Variants in PCDHGA8 observed in about 807,000 individuals in gnomAD.
PCDHGA8 encodes protocadherin gamma subfamily A, 8.
PCDHGA8 carries 45 observed loss-of-function variants against 59.2 expected under a neutral mutation model. The observed-to-expected ratio is 0.76, with a 90% CI of 0.60 to 0.98. The LOEUF (loss-of-function observed/expected upper bound fraction) is 0.98, where lower values mean the gene tolerates loss of function less well. PCDHGA8 is among the 50% of genes least tolerant of loss of function. The pLI is 0.00. For synonymous variants in PCDHGA8, 531 were observed against 519.0 expected, an observed-to-expected ratio of 1.02 and a Z score of -0.32; for missense variants, 1,257 against 1,196.2, an observed-to-expected ratio of 1.05 and a Z score of -0.75.
rs548823035 is a variant in PCDHGA8 at position 141,499,447 on chromosome 5, C to T, written c.2483+4582C>T. ...AGAAAAAAAATTAAAAGGAAAACCA[C>T]CCATCATTTTACAATCTAGGGAGAA... On this transcript the variant is annotated intron_variant, in intron 2 of 3. Transcript: ENST00000398604. Among the ~76,000 whole-genome samples the T allele has an allele frequency of 3.8e-4, 58 of 152,250 alleles. 1 individual carries two copies. In the East Asian group the frequency reaches 9.1e-3, roughly 24 times the overall value.
intron 1 of PCDHGA8, chr5:141,415,739 G>GT (rs1561759437): frequency 3.9e-5 from 17 of 435,138 alleles, no homozygotes; most frequent in African/African-American, 2.3e-4. Flanking sequence ...TGTTTATTAA[G>GT]GTTTTTTTTT....
At chr5:141,410,659 C>T (rs1481225976) in intron 1 of PCDHGA8, 5 of 1,571,890 alleles carry the variant, frequency 3.2e-6, no homozygotes, top group Non-Finnish European at 4.3e-6. Flanking sequence ...ATCTAATAGT[C>T]TACTAGTTTC....
chr5:141,509,179 C>T (rs895281717), intron 3 of PCDHGA8, among the ~76,000 whole-genome samples: 1 of 152,172 alleles, frequency 6.6e-6, no homozygotes, highest in African/African-American at 2.4e-5. Flanking sequence ...TCCTCTTATG[C>T]CGGCTTGAAA....
At chr5:141,430,784 G>T in intron 1 of PCDHGA8, 1 of 1,512,418 alleles carries the variant, frequency 6.6e-7, no homozygotes, top group East Asian at 2.3e-5. Flanking sequence ...ACTGCACCGG[G>T]ACTACAAAGG....
At chr5:141,414,623 C>T (rs998923536) in intron 1 of PCDHGA8, 2 of 1,613,820 alleles carry the variant, frequency 1.2e-6, no homozygotes, top group African/African-American at 1.3e-5. Flanking sequence ...GCGCTGGACC[C>T]GGACAGCAAA....
At chr5:141,508,193 C>T (rs1426786164) in intron 3 of PCDHGA8, 1 of 152,326 alleles carries the variant, frequency 6.6e-6, no homozygotes, top group Non-Finnish European at 1.5e-5. Flanking sequence ...ATCACCCCCA[C>T]CTCGTCCAGG....
rs756146067 is a variant in PCDHGA8, at chr5:141,477,534, G to C, written c.2425-17273G>C. On this transcript the variant is annotated intron_variant, in intron 1 of 3. Transcript: ENST00000398604. This position sits in a 1 kb window ranked among gnomAD's most constrained non-coding sequence, Gnocchi z 4.9. ...TACATTGAAGAAAACAACCTCCCCG[G>C]GGCTCCAATACTAAACCTAAGTGTC... 1.9e-6 allele frequency: 3 copies of C among 1,614,008 alleles called. No homozygotes were observed. Among genetic ancestry groups the C allele is most frequent in the East Asian group, 4.5e-5 (2 of 44,870 alleles).
At chr5:141,474,133 C>T (rs35162249) in intron 1 of PCDHGA8, among the ~76,000 whole-genome samples, 9,247 of 152,260 alleles carry the variant, frequency 0.061, 334 homozygotes, top group South Asian at 0.12. Flanking sequence ...CAGAAAACTA[C>T]AGGCCTTATT....
chr5:141,423,121 G>T lies in PCDHGA8; in HGVS notation c.2424+27884G>T, dbSNP rs368205535. The T allele has an allele frequency of 5.6e-6, 9 of 1,613,680 alleles. No homozygotes were observed. The African/African-American group carries it at 1.1e-4, about 19-fold the overall frequency. ...CACGGGCGAGGTGCGTACAGCGCGG[G>T]CACTGCTGGACAGAGACGCGCTCAA... On this transcript the variant is annotated intron_variant, in intron 1 of 3. Coordinates refer to ENST00000398604, the MANE Select transcript of PCDHGA8 (RefSeq NM_032088.2).
chr5:141,393,565 T>G lies in PCDHGA8; in HGVS notation c.752T>G (p.Val251Gly). 6.2e-7 allele frequency: 1 copy of G among 1,613,912 alleles called. No homozygotes were observed. The highest frequency in any genetic ancestry group is 8.5e-7 in the Non-Finnish European group (1 of 1,179,896). ...CCTCACCCGATTTACCGAGTGAAAG[T>G]CCTTGAGAACATGCCCCCAGGCACG... ...VFPHPIYRVK[V>G]LENMPPGTRL... Residue 251 changes from valine (V) to glycine (G), a missense_variant, in exon 1 of 4, where the codon GTC becomes GGC. Val to Gly is a moderately radical substitution (Grantham distance 109). Transcript: ENST00000398604.
chr5:141,396,765 T>A (rs1446594255), intron 1 of PCDHGA8: 1 of 152,246 alleles, frequency 6.6e-6, no homozygotes, highest in Non-Finnish European at 1.5e-5. Flanking sequence ...CAATAAATGT[T>A]TGTTATTAAT....
intron 2 of PCDHGA8, among the ~76,000 whole-genome samples, chr5:141,498,956 AGAGG>A (rs1198207839): frequency 1.1e-4 from 14 of 124,162 alleles, no homozygotes; most frequent in East Asian, 2.7e-4. Context: ...AAAAAGAGAG[AGAGG>A]GAGGGAGGGA....
rs751567991 is a variant in PCDHGA8 at position 141,398,180 on chromosome 5, T to C, written c.2424+2943T>C. ...CGGGCTGAGAGGCTGCCAGTGCTCT[T>C]TCTCTTCCTGCTGTCTTTGTTCTGC... On this transcript the variant is annotated intron_variant, in intron 1 of 3. Coordinates refer to ENST00000398604, the MANE Select transcript of PCDHGA8 (RefSeq NM_032088.2). 3 of 1,473,764 alleles carry C rather than the reference T, an allele frequency of 2.0e-6. No individual in the cohort carries two copies. The African/African-American group carries it at 4.3e-5, about 21-fold the overall frequency. The allele number at this position is 1,473,764 out of a possible 1,614,324, so 91.3% of individuals were successfully genotyped here. A position where few individuals can be genotyped will look rare whatever the true frequency, so the allele number is the denominator to read the frequency against.
At chr5:141,408,566 G>A (rs779048929) in intron 1 of PCDHGA8, 2 of 1,613,912 alleles carry the variant, frequency 1.2e-6, no homozygotes, top group East Asian at 4.5e-5. Flanking sequence ...TGTCATTGTG[G>A]TGATTGAGGA....
chr5:141,447,823 C>T lies in PCDHGA8; in HGVS notation c.2425-46984C>T, dbSNP rs192381755. ...AAAATTGGCTGGGCGTGGTGGCTCA[C>T]GCCTGTAATCCCAGTGCTTTGGGAG... On this transcript the variant is annotated intron_variant, in intron 1 of 3. Coordinates refer to ENST00000398604, the MANE Select transcript of PCDHGA8 (RefSeq NM_032088.2). Among the ~76,000 whole-genome samples, 677 of 152,272 alleles carry T rather than the reference C, an allele frequency of 4.4e-3. 5 individuals are homozygous for T. Among genetic ancestry groups the T allele is most frequent in the African/African-American group, 0.015 (635 of 41,548 alleles).
intron 1 of PCDHGA8, among the ~76,000 whole-genome samples, chr5:141,481,065 A>AAAAG (rs1476331686): frequency 6.6e-6 from 1 of 152,164 alleles, no homozygotes; most frequent in African/African-American, 2.4e-5. Context: ...CTCAAAAACA[A>AAAAG]AAAGAAAGAA....
chr5:141,490,945 C>T lies in PCDHGA8; in HGVS notation c.2425-3862C>T, dbSNP rs2099706308. On this transcript the variant is annotated intron_variant, in intron 1 of 3. Transcript: ENST00000398604. This position sits in a 1 kb window ranked among gnomAD's most constrained non-coding sequence, Gnocchi z 5.4. ...TGCCCCAGCTGTGCTGCACCCACGG[C>T]CAGACTGGGAACACTCAGCCCCCCA... The T allele has an allele frequency of 6.2e-7, 1 of 1,613,434 alleles. No homozygotes were observed. Among genetic ancestry groups the T allele is most frequent in the South Asian group, 1.1e-5 (1 of 91,010 alleles).
intron 1 of PCDHGA8, among the ~76,000 whole-genome samples, chr5:141,492,631 A>G (rs1203365582): frequency 6.6e-6 from 1 of 152,184 alleles, no homozygotes; most frequent in Non-Finnish European, 1.5e-5. Flanking sequence ...GCAGGACTCT[A>G]CGATCCTTGG....
chr5:141,446,623 TGC>T (rs1310809206), intron 1 of PCDHGA8, among the ~76,000 whole-genome samples: 1 of 152,014 alleles, frequency 6.6e-6, no homozygotes, highest in African/African-American at 2.4e-5. Flanking sequence ...ACTACAGGCG[TGC>T]ACCACCACGC....
Sources: gnomAD v4.1 joint callset for allele counts (sites outside exome capture counted in the v4.1 genomes callset) on GRCh38, gnomAD v4.1.1 for gene constraint, Gnocchi (gnomAD v3.1) non-coding constraint, MANE v1.5 for transcripts, NCBI Gene and HGNC (gene_info 2026-07-23, HGNC 2026-07-21) for gene names.